The following CNOT10 variants were observed in gnomAD, a reference collection of about 807,000 sequenced individuals.
CNOT10 encodes the protein CCR4-NOT transcription complex subunit 10, also known as CCR4-NOT transcription complex, subunit 10.
A neutral mutation model predicts 94.6 loss-of-function variants in CNOT10; 30 were observed. The ratio of observed to expected loss-of-function variants is 0.32; its 90% CI spans 0.24 to 0.43. CNOT10 has a LOEUF of 0.43. Ranked by LOEUF, CNOT10 falls within the 20% of genes least tolerant of loss-of-function variation. CNOT10 has a pLI of 1.00. For missense variants in CNOT10, 759 were observed against 877.2 expected, an observed-to-expected ratio of 0.87 and a Z score of 1.70; for synonymous variants, 289 against 301.6, an observed-to-expected ratio of 0.96 and a Z score of 0.43.
intron 13 of CNOT10, among the ~76,000 whole-genome samples, chr3:32,749,086 T>A (rs1221777715): frequency 6.6e-6 from 1 of 152,156 alleles, no homozygotes; most frequent in Non-Finnish European, 1.5e-5. Context: ...CCTCCCAAAG[T>A]GCTGGGATTA....
chr3:32,707,880 T>C (rs1180053407), intron 3 of CNOT10, among the ~76,000 whole-genome samples: 1 of 151,996 alleles, frequency 6.6e-6, no homozygotes, highest in Non-Finnish European at 1.5e-5. Context: ...ACATGGTAAA[T>C]AGTTAACTAT....
intron 15 of CNOT10, 140 bp from the exon 16 acceptor site, chr3:32,764,315 C>T: frequency 1.3e-6 from 1 of 773,886 alleles, no homozygotes; most frequent in Non-Finnish European, 2.0e-6. Flanking sequence ...CCAGCCTGGG[C>T]AACAGAGCGA....
intron 13 of CNOT10, among the ~76,000 whole-genome samples, chr3:32,749,662 G>A (rs751200047): frequency 9.2e-5 from 14 of 151,896 alleles, no homozygotes; most frequent in African/African-American, 1.2e-4. Flanking sequence ...TGCCTGCCTC[G>A]GCCTCCCAAA....
intron 10 of CNOT10, among the ~76,000 whole-genome samples, chr3:32,732,853 G>T (rs2125577088): frequency 6.6e-6 from 1 of 152,254 alleles, no homozygotes; most frequent in African/African-American, 2.4e-5. Context: ...TGTGTAAGTA[G>T]CTTTTATTAT....
chr3:32,732,729 C>T (rs1231454493), intron 10 of CNOT10, among the ~76,000 whole-genome samples: 4 of 152,180 alleles, frequency 2.6e-5, no homozygotes, highest in Non-Finnish European at 4.4e-5. Context: ...GCATGAACCA[C>T]TGCACCCAAC....
At chr3:32,743,314 A>G (rs1699553692) in intron 13 of CNOT10, among the ~76,000 whole-genome samples, 1 of 151,912 alleles carries the variant, frequency 6.6e-6, no homozygotes, top group African/African-American at 2.4e-5. Context: ...GGATTGCTCT[A>G]TTTTTGTGTG....
chr3:32,696,105 C>T (rs929231996), intron 1 of CNOT10, among the ~76,000 whole-genome samples: 1 of 151,364 alleles, frequency 6.6e-6, no homozygotes, highest in Admixed American at 6.6e-5. Context: ...CACTTGAGAT[C>T]AGGAGTTCAA....
intron 13 of CNOT10, among the ~76,000 whole-genome samples, chr3:32,750,906 G>T (rs1156769850): frequency 6.6e-6 from 1 of 152,154 alleles, no homozygotes; most frequent in African/African-American, 2.4e-5. Context: ...GGTATGAACT[G>T]ACTCTTACAT....
chr3:32,697,276 A>G (rs80115693), intron 1 of CNOT10, among the ~76,000 whole-genome samples: 9,292 of 152,098 alleles, frequency 0.061, 330 homozygotes, highest in African/African-American at 0.09. Flanking sequence ...TGGGGTTGCT[A>G]ACAGCAGTGG....
In CNOT10 at chr3:32,734,825, G is replaced by A. The variant is rs757999450; in HGVS notation, c.1363G>A (p.Val455Ile). ...YNDGQSSAIP[V>I]ASMEFAAICL... Reference sequence around the variant, plus strand: ...TGATGGGCAGTCTTCGGCCATTCCTGTAGCCAGTATGGAGTTTGCAGCCAT... The same window carrying A: ...TGATGGGCAGTCTTCGGCCATTCCTATAGCCAGTATGGAGTTTGCAGCCAT... The change falls in exon 12 of 19, where the codon GTA becomes ATA. Residue 455 changes from valine (V) to isoleucine (I), a missense_variant. Physicochemically the swap from Val to Ile is conservative, Grantham distance 29. Coordinates refer to ENST00000328834, the MANE Select transcript of CNOT10 (RefSeq NM_015442.3). 2 of 1,612,962 alleles carry A rather than the reference G, an allele frequency of 1.2e-6. No individual in the cohort carries two copies. The highest frequency in any genetic ancestry group is 1.7e-6 in the Non-Finnish European group (2 of 1,179,228).
At chr3:32,710,777 G>T (rs1410794154) in intron 4 of CNOT10, among the ~76,000 whole-genome samples, 1 of 152,042 alleles carries the variant, frequency 6.6e-6, no homozygotes, top group Non-Finnish European at 1.5e-5. Flanking sequence ...CTGGAGTGCA[G>T]TGGCGTGAAC....
chr3:32,724,309 G>A (rs1247796318), intron 8 of CNOT10, among the ~76,000 whole-genome samples: 1 of 146,770 alleles, frequency 6.8e-6, no homozygotes, highest in Admixed American at 6.9e-5. Context: ...GCAGTGGTGC[G>A]ATCTCGGCTC....
At chr3:32,742,473 C>T (rs1488999055) in intron 13 of CNOT10, among the ~76,000 whole-genome samples, 1 of 151,786 alleles carries the variant, frequency 6.6e-6, no homozygotes, top group African/African-American at 2.4e-5. Flanking sequence ...CCTCCGCCTC[C>T]CAGGTGCAAG....
intron 10 of CNOT10, among the ~76,000 whole-genome samples, chr3:32,732,958 TA>T (rs1699024462): frequency 6.6e-6 from 1 of 152,228 alleles, no homozygotes; most frequent in Admixed American, 6.5e-5. Context: ...TACAGCTTAT[TA>T]AAGTTTATAT....
At chr3:32,760,967 G>A (rs1000982933) in intron 14 of CNOT10, among the ~76,000 whole-genome samples, 1 of 151,362 alleles carries the variant, frequency 6.6e-6, no homozygotes, top group Non-Finnish European at 1.5e-5. Flanking sequence ...CATCTCTACT[G>A]AAAATATGAA....
intron 9 of CNOT10, among the ~76,000 whole-genome samples, chr3:32,726,031 G>A (rs1270558427): frequency 6.6e-6 from 1 of 152,032 alleles, no homozygotes; most frequent in Non-Finnish European, 1.5e-5. Context: ...TTCAACTTCT[G>A]CCTCCTGGGC....
In CNOT10 at chr3:32,769,870, T is replaced by C; in HGVS notation, c.2005-17T>C. 1 of 1,610,062 alleles carries C rather than the reference T, an allele frequency of 6.2e-7. No homozygotes were observed. The highest frequency in any genetic ancestry group is 8.5e-7 in the Non-Finnish European group (1 of 1,176,424). Reference sequence around the variant, plus strand: ...AGCTTTTGTTTTTTCACGGGCATCTTTCTGTTTTGAGCAAAGGCGGCTTCA... The same window carrying C: ...AGCTTTTGTTTTTTCACGGGCATCTCTCTGTTTTGAGCAAAGGCGGCTTCA... On this transcript the variant is annotated splice_polypyrimidine_tract_variant and intron_variant, in intron 17 of 18. Coordinates refer to ENST00000328834, the MANE Select transcript of CNOT10 (RefSeq NM_015442.3).
At chr3:32,763,460 G>C (rs1260535684) in intron 15 of CNOT10, among the ~76,000 whole-genome samples, 3 of 152,050 alleles carry the variant, frequency 2.0e-5, no homozygotes, top group Non-Finnish European at 2.9e-5. Context: ...AGACCAGCCT[G>C]GCCAACATAG....
chr3:32,726,682 C>G (rs1026614549), intron 9 of CNOT10, among the ~76,000 whole-genome samples: 1 of 136,118 alleles, frequency 7.3e-6, no homozygotes, highest in Non-Finnish European at 1.6e-5. Context: ...GGTGACAGAG[C>G]GAGACTCTGT....
Sources: allele counts gnomAD v4.1 joint callset (sites outside exome capture counted in the v4.1 genomes callset), GRCh38; gene constraint gnomAD v4.1.1; transcripts MANE v1.5; gene names NCBI Gene and HGNC (gene_info 2026-07-23, HGNC 2026-07-21).